The following SEMA4F variants were observed in gnomAD, a reference collection of about 807,000 sequenced individuals.
SEMA4F encodes the protein semaphorin-4F.
Under a neutral mutation model 78.4 loss-of-function variants are expected in SEMA4F, and 51 were observed. The ratio of observed to expected loss-of-function variants is 0.65; its 90% CI spans 0.52 to 0.82. The LOEUF is 0.82. Ranked by LOEUF, SEMA4F falls within the 40% of genes least tolerant of loss-of-function variation. SEMA4F has a pLI of 0.00. For synonymous variants in SEMA4F, 418 were observed against 408.7 expected, an observed-to-expected ratio of 1.02 and a Z score of -0.27; for missense variants, 938 against 1,014.4, an observed-to-expected ratio of 0.92 and a Z score of 1.02.
intron 5 of SEMA4F, among the ~76,000 whole-genome samples, chr2:74,666,240 G>T (rs1332853765): frequency 6.6e-6 from 1 of 152,136 alleles, no homozygotes; most frequent in Admixed American, 6.5e-5. Context: ...TTAGCCCTCT[G>T]TGAGTAATTT....
Position 74,677,329 on chromosome 2 carries a change from C to T in SEMA4F, c.1643+1420C>T, listed in dbSNP as rs915197847. Among the ~76,000 whole-genome samples, 8 of 152,306 alleles carry T rather than the reference C, an allele frequency of 5.3e-5. No individual in the cohort carries two copies. In the East Asian group the frequency reaches 1.5e-3, roughly 29 times the overall value. On this transcript the variant is annotated intron_variant, in intron 12 of 13. Transcript: ENST00000357877. ...ACCATCAGCTCCTGGTCAATCTTGC[C>T]TCATCAGTACGTTTACTCATTCCCA... is the stretch of plus-strand genomic sequence containing the variant.
chr2:74,688,884 A>G, the SEMA4F span, among the ~76,000 whole-genome samples: 1 of 152,244 alleles, frequency 6.6e-6, no homozygotes, highest in Non-Finnish European at 1.5e-5. Context: ...TGATTTAAAA[A>G]AATAGATTGG....
chr2:74,668,595 A>T (rs1013646609), intron 5 of SEMA4F, among the ~76,000 whole-genome samples: 1 of 151,980 alleles, frequency 6.6e-6, no homozygotes, highest in Non-Finnish European at 1.5e-5. Context: ...AGGCCAAGGC[A>T]TGTAAAAAAT....
At chr2:74,655,848 C>T (rs1182428198) in intron 1 of SEMA4F, among the ~76,000 whole-genome samples, 1 of 152,018 alleles carries the variant, frequency 6.6e-6, no homozygotes, top group East Asian at 1.9e-4. Flanking sequence ...GGTGTCCAGT[C>T]TGCAGTCTTG....
chr2:74,701,650 G>GGTGA, the SEMA4F span, among the ~76,000 whole-genome samples: 11 of 152,290 alleles, frequency 7.2e-5, no homozygotes, highest in East Asian at 2.1e-3. Context: ...TGGGGGCAGG[G>GGTGA]GTGAGATGCA....
intron 8 of SEMA4F, 60 bp downstream of exon 8, chr2:74,674,736 T>C: frequency 1.3e-6 from 2 of 1,583,950 alleles, no homozygotes; most frequent in South Asian, 2.3e-5. Flanking sequence ...GTTGGCACAA[T>C]GTCAGTGTTG....
chr2:74,695,184 C>T, the SEMA4F span, among the ~76,000 whole-genome samples: 1 of 152,154 alleles, frequency 6.6e-6, no homozygotes, highest in Non-Finnish European at 1.5e-5. Flanking sequence ...GCAACACTGT[C>T]CACAACAGCA....
the SEMA4F span, among the ~76,000 whole-genome samples, chr2:74,706,060 T>G: frequency 1.3e-5 from 2 of 152,164 alleles, no homozygotes; most frequent in African/African-American, 4.8e-5. Flanking sequence ...TAGTAACACA[T>G]TTTAGGCTTT....
chr2:74,686,742 C>G (rs1685830361), downstream of SEMA4F, among the ~76,000 whole-genome samples: 1 of 152,122 alleles, frequency 6.6e-6, no homozygotes, highest in South Asian at 2.1e-4. Flanking sequence ...CTGGATGAAG[C>G]TGGAAACCAT....
At chr2:74,657,691 C>A in intron 3 of SEMA4F, 67 bp downstream of exon 3, 1 of 1,512,666 alleles carries the variant, frequency 6.6e-7, no homozygotes, top group Non-Finnish European at 9.2e-7. Context: ...GACTCTCAGT[C>A]CCCTGTAATG....
rs370845200 is a variant in SEMA4F, at chr2:74,682,415, CAAAA to C, written c.*2219_*2222del. 8 of 94,992 alleles carry C rather than the reference CAAAA, an allele frequency of 8.4e-5. No individual in the cohort carries two copies. The highest frequency in any genetic ancestry group is 2.4e-4 in the Admixed American group (2 of 8,476). The allele number at this position is 94,992 out of a possible 1,614,324, so 5.9% of individuals were successfully genotyped here. Reference sequence around the variant, plus strand: ...TGGGCAACAGAGCAAAACTCCGTCTCAAAAAAAAAAAAAAAAGATAACCATGACA... The same window carrying C: ...TGGGCAACAGAGCAAAACTCCGTCTCAAAAAAAAAAAAGATAACCATGACA... On this transcript the variant is annotated 3_prime_UTR_variant, in exon 14 of 14. Coordinates refer to ENST00000357877, the MANE Select transcript of SEMA4F (RefSeq NM_004263.5).
At chr2:74,665,801 ATC>A (rs1446105662) in intron 5 of SEMA4F, among the ~76,000 whole-genome samples, 2 of 151,952 alleles carry the variant, frequency 1.3e-5, no homozygotes, top group African/African-American at 4.8e-5. Flanking sequence ...TGGTTGTGAT[ATC>A]TCTTGAGTCT....
At chr2:74,699,296 A>G in the SEMA4F span, among the ~76,000 whole-genome samples, 1 of 152,232 alleles carries the variant, frequency 6.6e-6, no homozygotes, top group African/African-American at 2.4e-5. Context: ...GGGTACACAC[A>G]GAATATCTCC....
the SEMA4F span, among the ~76,000 whole-genome samples, chr2:74,696,252 G>C: frequency 1.9e-3 from 279 of 143,210 alleles, 2 homozygotes; most frequent in Non-Finnish European, 3.1e-3. Context: ...CTGGAGTGCA[G>C]TGGTATGATC....
At chr2:74,674,819 A>T in intron 8 of SEMA4F, 69 bp from the exon 9 acceptor site, 1 of 1,574,506 alleles carries the variant, frequency 6.4e-7, no homozygotes, top group Non-Finnish European at 8.6e-7. Flanking sequence ...GGGTCATCTC[A>T]TTTGACAAGG....
At chr2:74,661,600 G>A (rs1435629310) in intron 4 of SEMA4F, among the ~76,000 whole-genome samples, 8 of 152,194 alleles carry the variant, frequency 5.3e-5, no homozygotes. Context: ...CACAGCTGGA[G>A]TGCTGTGCCT....
chr2:74,706,554 T>G, the SEMA4F span, among the ~76,000 whole-genome samples: 1 of 152,128 alleles, frequency 6.6e-6, no homozygotes, highest in Non-Finnish European at 1.5e-5. Context: ...GCTAGAGCTT[T>G]TCCCGAAGGC....
intron 7 of SEMA4F, 51 bp downstream of exon 7, chr2:74,673,879 C>A (rs1181641916): frequency 6.4e-7 from 1 of 1,568,830 alleles, no homozygotes; most frequent in South Asian, 1.2e-5. Context: ...CTGTCTGTCC[C>A]CCGTCTTATC....
At chr2:74,697,891 C>T in the SEMA4F span, among the ~76,000 whole-genome samples, 2 of 152,136 alleles carry the variant, frequency 1.3e-5, no homozygotes, top group Non-Finnish European at 2.9e-5. Context: ...CTTCCTGGCC[C>T]TGGCTCCATC....
Sources: allele counts gnomAD v4.1 joint callset (sites outside exome capture counted in the v4.1 genomes callset), GRCh38; gene constraint gnomAD v4.1.1; transcripts MANE v1.5; gene names NCBI Gene and HGNC (gene_info 2026-07-23, HGNC 2026-07-21).